Variants in SLC39A14 observed in about 807,000 individuals in gnomAD.
The protein encoded by SLC39A14 is metal cation symporter ZIP14.
SLC39A14 carries 19 observed loss-of-function variants against 45.5 expected under a neutral mutation model. That is an observed-to-expected ratio of 0.42 (90% CI 0.29 to 0.61). SLC39A14 has a LOEUF of 0.61. Ranked by LOEUF, SLC39A14 falls within the 20% of genes least tolerant of loss-of-function variation. SLC39A14 has a pLI of 0.22. For missense variants in SLC39A14, 447 were observed against 616.5 expected, an observed-to-expected ratio of 0.73 and a Z score of 2.91; for synonymous variants, 264 against 251.3, an observed-to-expected ratio of 1.05 and a Z score of -0.48.
chr8:22,384,744 TAA>T (rs34292650), intron 1 of SLC39A14, among the ~76,000 whole-genome samples: 36 of 117,264 alleles, frequency 3.1e-4, no homozygotes, highest in African/African-American at 6.7e-4. Flanking sequence ...GAGACTGTCT[TAA>T]AAAAAAAAAA....
At chr8:22,385,186 G>C (rs896093509) in intron 1 of SLC39A14, among the ~76,000 whole-genome samples, 53 of 152,306 alleles carry the variant, frequency 3.5e-4, no homozygotes, top group African/African-American at 1.2e-3. Context: ...GCAGGAGAGG[G>C]GGGTCCCTGC....
intron 5 of SLC39A14, 28 bp from the exon 6 acceptor site, chr8:22,415,741 T>C: frequency 6.2e-7 from 1 of 1,600,806 alleles, no homozygotes. Flanking sequence ...GTGAATGTCA[T>C]GCTGATCCCT....
chr8:22,382,425 A>G (rs972887031), intron 1 of SLC39A14, among the ~76,000 whole-genome samples: 3 of 152,130 alleles, frequency 2.0e-5, no homozygotes, highest in Non-Finnish European at 4.4e-5. Flanking sequence ...AGTCCCAGCT[A>G]CTTGGACAGA....
rs193092180 is a variant in SLC39A14 at position 22,412,518 on chromosome 8, C to T, written c.627+312C>T. Reference sequence around the variant, plus strand: ...GATGATGTTGTGAGGGTGGAACGAGCGAGTCTGCTGCAGCACTGAGTGCCT... The same window carrying T: ...GATGATGTTGTGAGGGTGGAACGAGTGAGTCTGCTGCAGCACTGAGTGCCT... On this transcript the variant is annotated intron_variant, in intron 4 of 8. Transcript: ENST00000381237. Among the ~76,000 whole-genome samples the T allele has an allele frequency of 2.0e-4, 30 of 152,246 alleles. No individual in the cohort carries two copies. The East Asian group carries it at 3.9e-3, about 20-fold the overall frequency.
downstream of SLC39A14, among the ~76,000 whole-genome samples, chr8:22,426,078 G>T (rs772527354): frequency 7.9e-5 from 12 of 152,130 alleles, no homozygotes; most frequent in Non-Finnish European, 1.3e-4. Flanking sequence ...TTTTAGTAGA[G>T]ATGAGGTTTC....
chr8:22,417,481 G>A (rs1232316099), intron 7 of SLC39A14, among the ~76,000 whole-genome samples, 170 bp from the exon 8 acceptor site: 2 of 152,028 alleles, frequency 1.3e-5, no homozygotes, highest in African/African-American at 2.4e-5. Context: ...TGTCTCCCAC[G>A]ACCTTGTATG....
Position 22,367,363 on chromosome 8 carries a change from C to G in SLC39A14, c.-61C>G, listed in dbSNP as rs999204763. The G allele has an allele frequency of 5.3e-5, 8 of 151,970 alleles. No homozygotes were observed. The highest frequency in any genetic ancestry group is 8.8e-5 in the Non-Finnish European group (6 of 68,058). The allele number at this position is 151,970 out of a possible 1,614,324, so 9.4% of individuals were successfully genotyped here. A position where few individuals can be genotyped will look rare whatever the true frequency, so the allele number is the denominator to read the frequency against. ...TTCTGCCGCCGCCGGCCGCCTGGGA[C>G]CTTGCGGTGAGGCTGCGCGGGGCCG... On this transcript the variant is annotated 5_prime_UTR_variant, in exon 1 of 9. Transcript: ENST00000381237. This position sits in a 1 kb window ranked among gnomAD's most constrained non-coding sequence, Gnocchi z 4.2.
chr8:22,430,969 G>A (rs1029518777), intron 8 of SLC39A14, among the ~76,000 whole-genome samples: 27 of 148,500 alleles, frequency 1.8e-4, no homozygotes, highest in Non-Finnish European at 1.9e-4. Flanking sequence ...TGCCGCAGCC[G>A]GTCTGGGACT....
intron 4 of SLC39A14, among the ~76,000 whole-genome samples, chr8:22,414,311 C>G (rs966110642): frequency 6.6e-6 from 1 of 152,172 alleles, no homozygotes; most frequent in Non-Finnish European, 1.5e-5. Flanking sequence ...GTTCTTATTA[C>G]TTAACTGGGA....
At position 22,408,468 on chromosome 8, in the gene SLC39A14, G is replaced by A. The variant is rs756815173; in HGVS notation, c.429G>A (p.Thr143=). 11 of 1,613,932 alleles carry A rather than the reference G, an allele frequency of 6.8e-6. No individual in the cohort carries two copies. The Admixed American group carries it at 8.3e-5, about 12-fold the overall frequency. Residue 143 remains threonine, a synonymous_variant, in exon 3 of 9, where the codon ACG becomes ACA. Transcript: ENST00000381237. The part of the protein sequence containing the change: ...ENQENEENEQ[T]EEGRPSAVEV... ...AGGAAAACGAGGAGAATGAGCAGAC[G>A]GAGGAGGGGCGGCCAAGCGCTGTTG...
At position 22,416,272 on chromosome 8, in the gene SLC39A14, A is replaced by G. The variant is rs764832283; in HGVS notation, c.1139A>G (p.His380Arg). 3.1e-6 allele frequency: 5 copies of G among 1,612,746 alleles called. No individual in the cohort carries two copies. Among genetic ancestry groups the G allele is most frequent in the African/African-American group, 2.7e-5 (2 of 74,842 alleles). ...SVAILCEEFP[H>R]ELGDFVILLN... ...GCCATCCTCTGTGAGGAGTTCCCAC[A>G]TGAGCTAGGTAAGCGTGCGTCCCCC... Residue 380 changes from histidine (H) to arginine (R), a missense_variant, in exon 7 of 9, where the codon CAT becomes CGT. His to Arg is a conservative substitution (Grantham distance 29). Transcript: ENST00000381237.
intron 1 of SLC39A14, among the ~76,000 whole-genome samples, chr8:22,380,851 A>G (rs1194792912): frequency 6.6e-6 from 1 of 151,814 alleles, no homozygotes; most frequent in Non-Finnish European, 1.5e-5. Context: ...TAATTATTGT[A>G]TTTTTAGTAG....
chr8:22,428,397 ACTTAG>A (rs1836418733), intron 8 of SLC39A14, among the ~76,000 whole-genome samples: 1 of 150,874 alleles, frequency 6.6e-6, no homozygotes, highest in Non-Finnish European at 1.5e-5. Flanking sequence ...ATAATGCTCA[ACTTAG>A]CTTAGTAGAA....
At chr8:22,432,067 A>G (rs1272155888) in intron 8 of SLC39A14, among the ~76,000 whole-genome samples, 2 of 152,224 alleles carry the variant, frequency 1.3e-5, no homozygotes, top group African/African-American at 4.8e-5. Flanking sequence ...ACGGTGCCTC[A>G]TGCCTCTAAT....
intron 8 of SLC39A14, 149 bp from the exon 9 acceptor site, chr8:22,419,403 C>G (rs1836090321): frequency 2.8e-6 from 2 of 707,976 alleles, no homozygotes; most frequent in Non-Finnish European, 4.8e-6. Context: ...AGGCTGGTCT[C>G]GAACTCCTGA....
At chr8:22,387,339 T>A (rs910794153) in intron 1 of SLC39A14, among the ~76,000 whole-genome samples, 6 of 152,130 alleles carry the variant, frequency 3.9e-5, no homozygotes, top group African/African-American at 7.2e-5. Context: ...GGGTTGAAAG[T>A]CACCCAGAAA....
chr8:22,423,786 TTCTCTCTC>T (rs58420252), downstream of SLC39A14, among the ~76,000 whole-genome samples: 11 of 122,166 alleles, frequency 9.0e-5, 1 homozygote, highest in South Asian at 6.4e-4. Flanking sequence ...TTTAATTGGT[TTCTCTCTC>T]TCTCTCTCTC....
In SLC39A14 at chr8:22,367,454, G is replaced by A. The variant is rs1041717831; in HGVS notation, c.-16+46G>A. Reference sequence around the variant, plus strand: ...GGCCGCGGGATGGGCAGCGGCGGAGGAGCCCCGCACCCCAGGCTGGGGCAG... The same window carrying A: ...GGCCGCGGGATGGGCAGCGGCGGAGAAGCCCCGCACCCCAGGCTGGGGCAG... On this transcript the variant is annotated intron_variant, in intron 1 of 8. Transcript: ENST00000381237. This position sits in a 1 kb window ranked among gnomAD's most constrained non-coding sequence, Gnocchi z 4.2. 6.6e-6 allele frequency: 1 copy of A among 152,166 alleles called. No individual in the cohort carries two copies. The highest frequency in any genetic ancestry group is 2.4e-5 in the African/African-American group (1 of 41,414). The allele number at this position is 152,166 out of a possible 1,614,324, so 9.4% of individuals were successfully genotyped here. A position where few individuals can be genotyped will look rare whatever the true frequency, so the allele number is the denominator to read the frequency against.
exon 9 of SLC39A14, chr8:22,434,045 T>G: frequency 4.6e-6 from 1 of 219,242 alleles, no homozygotes. Flanking sequence ...CAATACTGTA[T>G]ATATATGGTT....
Sources: gnomAD v4.1 joint callset for allele counts (sites outside exome capture counted in the v4.1 genomes callset) on GRCh38, gnomAD v4.1.1 for gene constraint, Gnocchi (gnomAD v3.1) non-coding constraint, MANE v1.5 for transcripts, NCBI Gene and HGNC (gene_info 2026-07-23, HGNC 2026-07-21) for gene names.